The following UGT1A9 variants were observed in gnomAD, a reference collection of about 807,000 sequenced individuals.
The protein encoded by UGT1A9 is UDP glucuronosyltransferase family 1 member A9.
Under a neutral mutation model 45.0 loss-of-function variants are expected in UGT1A9, and 35 were observed. That is an observed-to-expected ratio of 0.78 (90% CI 0.59 to 1.03). The LOEUF (loss-of-function observed/expected upper bound fraction) is 1.03. Ranked by LOEUF, UGT1A9 falls within the 50% of genes least tolerant of loss-of-function variation. The probability of loss-of-function intolerance (pLI) is 0.00; values close to 1 mark genes in which losing one functional copy is unlikely to be tolerated. For missense variants in UGT1A9, 687 were observed against 666.6 expected (o/e 1.03, Z -0.34); for synonymous variants, 278 against 250.6 (o/e 1.11, Z -1.03).
intron 1 of UGT1A9, chr2:233,729,215 A>G (rs766332130): frequency 6.2e-7 from 1 of 1,614,066 alleles, no homozygotes; most frequent in Non-Finnish European, 8.5e-7. Flanking sequence ...GAGAGTGGAA[A>G]GGTGTTGGTG....
At chr2:233,687,377 T>G (rs2074836903) in intron 1 of UGT1A9, among the ~76,000 whole-genome samples, 1 of 152,052 alleles carries the variant, frequency 6.6e-6, no homozygotes, top group Non-Finnish European at 1.5e-5. Context: ...TAGGGAGAAT[T>G]TGCAAATTAA....
intron 1 of UGT1A9, among the ~76,000 whole-genome samples, chr2:233,750,457 C>T (rs542993869): frequency 6.6e-5 from 10 of 152,092 alleles, no homozygotes; most frequent in African/African-American, 2.4e-4. Flanking sequence ...AAACCAGCTA[C>T]AGAAATACTG....
chr2:233,743,431 C>A lies in UGT1A9; in HGVS notation c.856-23603C>A, dbSNP rs755334550. 6 of 1,354,320 alleles carry A rather than the reference C, an allele frequency of 4.4e-6. No homozygotes were observed. In the East Asian group the frequency reaches 1.9e-4, roughly 42 times the overall value. The allele number at this position is 1,354,320 out of a possible 1,614,324, so 83.9% of individuals were successfully genotyped here. A position where few individuals can be genotyped will look rare whatever the true frequency, so the allele number is the denominator to read the frequency against. ...CCCACTTCCCAGGGAGCCAAAGGAA[C>A]GAAATCCTGTATCAAAAGAAGAAAA... On this transcript the variant is annotated intron_variant, in intron 1 of 4. Transcript: ENST00000354728.
chr2:233,769,069 T>C lies in UGT1A9; in HGVS notation c.1295+630T>C, dbSNP rs1362327235. On this transcript the variant is annotated intron_variant, in intron 4 of 4. Transcript: ENST00000354728. The surrounding 1 kb of genome is among the most constrained non-coding windows in gnomAD (Gnocchi z 4.4). ...CATAAGTTTCCTGCACAGAAAGAAA[T>C]ACTCCATTATAAGAAGCATAGTATC... is the stretch of plus-strand genomic sequence containing the variant. 1.3e-5 allele frequency among the ~76,000 whole-genome samples: 2 copies of C among 152,194 alleles called. No individual in the cohort carries two copies. Among genetic ancestry groups the C allele is most frequent in the Admixed American group, 6.5e-5 (1 of 15,280 alleles).
At chr2:233,746,880 G>A (rs561454270) in intron 1 of UGT1A9, among the ~76,000 whole-genome samples, 1 of 151,926 alleles carries the variant, frequency 6.6e-6, no homozygotes, top group South Asian at 2.1e-4. Flanking sequence ...GTGGTTAACA[G>A]AGAAGTAGGA....
chr2:233,760,187 A>T (rs990924145), intron 1 of UGT1A9: 2 of 1,561,228 alleles, frequency 1.3e-6, no homozygotes, highest in African/African-American at 2.7e-5. Flanking sequence ...TTTTATAGTC[A>T]CGTGACACAG....
intron 1 of UGT1A9, chr2:233,760,931 T>C (rs1360622092): frequency 4.3e-6 from 7 of 1,614,090 alleles, no homozygotes; most frequent in South Asian, 2.2e-5. Flanking sequence ...AACATGCTCA[T>C]TGCCTTTTCA....
intron 1 of UGT1A9, among the ~76,000 whole-genome samples, chr2:233,703,849 A>G (rs1436241192): frequency 6.6e-6 from 1 of 151,928 alleles, no homozygotes; most frequent in Non-Finnish European, 1.5e-5. Context: ...CACATTTAAT[A>G]CTATTATTGA....
intron 1 of UGT1A9, among the ~76,000 whole-genome samples, chr2:233,679,551 TTTTG>T (rs1047606927): frequency 6.6e-6 from 1 of 152,154 alleles, no homozygotes; most frequent in Non-Finnish European, 1.5e-5. Context: ...TCATCTTTTT[TTTTG>T]TTTGTTTGTT....
At chr2:233,737,526 G>C (rs574961545) in intron 1 of UGT1A9, among the ~76,000 whole-genome samples, 8 of 152,286 alleles carry the variant, frequency 5.3e-5, no homozygotes, top group African/African-American at 1.9e-4. Context: ...GTGAGGCGAC[G>C]CCCTGCCCTG....
In UGT1A9 at chr2:233,712,940, C is replaced by T. The variant is rs367897859; in HGVS notation, c.855+40151C>T. 1.2e-4 allele frequency: 197 copies of T among 1,612,272 alleles called. 1 individual carries two copies. Among genetic ancestry groups the T allele is most frequent in the Admixed American group, 2.3e-4 (14 of 59,994 alleles). ...GGTAATTAAGACGAAGGAAACAATTCTAGGAGGCACAACGTGGGGTGGACA... is the reference window on the plus strand; with the variant it reads ...GGTAATTAAGACGAAGGAAACAATTTTAGGAGGCACAACGTGGGGTGGACA... On this transcript the variant is annotated intron_variant, in intron 1 of 4. Transcript: ENST00000354728.
At chr2:233,719,477 C>T in intron 1 of UGT1A9, 5 of 1,613,988 alleles carry the variant, frequency 3.1e-6, no homozygotes, top group East Asian at 4.5e-5. Flanking sequence ...ACCCTCTGGC[C>T]CTGTCCTACA....
At chr2:233,744,624 T>A (rs1301133091) in intron 1 of UGT1A9, among the ~76,000 whole-genome samples, 12 of 151,914 alleles carry the variant, frequency 7.9e-5, no homozygotes, top group Non-Finnish European at 1.5e-4. Context: ...TATAGAGAGG[T>A]GGATTCTCAT....
intron 1 of UGT1A9, chr2:233,682,618 C>G (rs1215950110): frequency 2.5e-6 from 4 of 1,613,770 alleles, no homozygotes; most frequent in Non-Finnish European, 3.4e-6. Flanking sequence ...TCAAAAATGT[C>G]TTAGAAATAG....
chr2:233,693,097 G>T, intron 1 of UGT1A9: 1 of 1,614,146 alleles, frequency 6.2e-7, no homozygotes, highest in South Asian at 1.1e-5. Flanking sequence ...AGCTGCTGGT[G>T]GTCCCTCAGG....
intron 1 of UGT1A9, among the ~76,000 whole-genome samples, chr2:233,701,182 A>G (rs1030234250): frequency 6.6e-6 from 1 of 152,142 alleles, no homozygotes. Context: ...ATAAACATAC[A>G]TGTGCATGTG....
At chr2:233,738,243 A>G (rs57963849) in intron 1 of UGT1A9, among the ~76,000 whole-genome samples, 4 of 152,190 alleles carry the variant, frequency 2.6e-5, no homozygotes, top group Non-Finnish European at 5.9e-5. Context: ...CTCCAGCCAC[A>G]TGGAACTGGA....
intron 1 of UGT1A9, among the ~76,000 whole-genome samples, chr2:233,721,122 T>G (rs2076922225): frequency 6.6e-6 from 1 of 152,196 alleles, no homozygotes; most frequent in Admixed American, 6.5e-5. Context: ...GTACTTCTTT[T>G]TATTAGTGTA....
intron 1 of UGT1A9, among the ~76,000 whole-genome samples, chr2:233,688,791 G>A (rs1031609819): frequency 2.6e-5 from 4 of 152,060 alleles, no homozygotes; most frequent in Admixed American, 2.6e-4. Context: ...GGAGAGGAAG[G>A]CATTGATTAG....
Sources: gnomAD v4.1 joint callset for allele counts (sites outside exome capture counted in the v4.1 genomes callset) on GRCh38, gnomAD v4.1.1 for gene constraint, Gnocchi (gnomAD v3.1) non-coding constraint, MANE v1.5 for transcripts, NCBI Gene and HGNC (gene_info 2026-07-23, HGNC 2026-07-21) for gene names.